The following AGBL4 variants were observed in gnomAD, a reference collection of about 807,000 sequenced individuals.
AGBL4 encodes cytosolic carboxypeptidase 6.
A neutral mutation model predicts 66.4 loss-of-function variants in AGBL4; 58 were observed. The ratio of observed to expected loss-of-function variants is 0.87; its 90% CI spans 0.71 to 1.09. AGBL4 has a LOEUF of 1.09. AGBL4 is among the 50% of genes least tolerant of loss of function. The pLI is 0.00. For missense variants in AGBL4, 579 were observed against 631.0 expected (o/e 0.92, Z 0.88); for synonymous variants, 234 against 222.9 (o/e 1.05, Z -0.44).
At chr1:49,737,040 A>G (rs909694322) in intron 2 of AGBL4, among the ~76,000 whole-genome samples, 6 of 152,154 alleles carry the variant, frequency 3.9e-5, no homozygotes, top group Non-Finnish European at 8.8e-5. Context: ...ACATGATGGC[A>G]AAGCAAAGCT....
chr1:48,685,027 G>A (rs191420325), intron 6 of AGBL4, among the ~76,000 whole-genome samples: 1 of 152,188 alleles, frequency 6.6e-6, no homozygotes, highest in African/African-American at 2.4e-5. Context: ...TAAAGGACTG[G>A]AGCAGACACT....
rs536208537 is a variant in AGBL4 at position 49,429,059 on chromosome 1, C to A, written c.283-183195G>T. ...TAAATTACAAATTATATGTTCCAGA[C>A]TGGAAGAACTTAGAATTCATTCCAG... On this transcript the variant is annotated intron_variant, in intron 3 of 13. Coordinates refer to ENST00000371839, the MANE Select transcript of AGBL4 (RefSeq NM_032785.4). 3.9e-5 allele frequency among the ~76,000 whole-genome samples: 6 copies of A among 152,348 alleles called. No homozygotes were observed. In the East Asian group the frequency reaches 1.2e-3, roughly 29 times the overall value.
chr1:49,869,471 A>C (rs1441232250), intron 1 of AGBL4, among the ~76,000 whole-genome samples: 1 of 152,188 alleles, frequency 6.6e-6, no homozygotes, highest in Non-Finnish European at 1.5e-5. Flanking sequence ...GGAAGCCATT[A>C]TCCTCAGCAA....
intron 3 of AGBL4, among the ~76,000 whole-genome samples, chr1:49,594,427 T>C (rs1353504731): frequency 2.6e-5 from 4 of 152,168 alleles, no homozygotes; most frequent in African/African-American, 9.7e-5. Flanking sequence ...ACATGTGCCA[T>C]GGGTGGTTTG....
At chr1:48,640,311 AG>A (rs1645733977) in intron 8 of AGBL4, among the ~76,000 whole-genome samples, 1 of 152,184 alleles carries the variant, frequency 6.6e-6, no homozygotes, top group Non-Finnish European at 1.5e-5. Context: ...GAACTCCATG[AG>A]GGCAGGGATA....
rs891183779 is a variant in AGBL4, at chr1:49,177,605, G to A, written c.377+68165C>T. On this transcript the variant is annotated intron_variant, in intron 4 of 13. Coordinates refer to ENST00000371839, the MANE Select transcript of AGBL4 (RefSeq NM_032785.4). Reference sequence around the variant, plus strand: ...CTTTTGACTCCCTTCAGTGCCCAGCGTGAAGCTCTGCACTCAGTGGAATTG... The same window carrying A: ...CTTTTGACTCCCTTCAGTGCCCAGCATGAAGCTCTGCACTCAGTGGAATTG... Among the ~76,000 whole-genome samples, 5 of 152,074 alleles carry A rather than the reference G, an allele frequency of 3.3e-5. No homozygotes were observed. In the East Asian group the frequency reaches 7.8e-4, roughly 24 times the overall value.
intron 4 of AGBL4, among the ~76,000 whole-genome samples, chr1:49,204,906 T>C (rs1648010197): frequency 6.6e-6 from 1 of 152,122 alleles, no homozygotes; most frequent in South Asian, 2.1e-4. Flanking sequence ...AATGACATCA[T>C]AGATTCAGAG....
At chr1:49,337,884 T>C (rs1002865810) in intron 3 of AGBL4, among the ~76,000 whole-genome samples, 1 of 152,238 alleles carries the variant, frequency 6.6e-6, no homozygotes, top group Non-Finnish European at 1.5e-5. Context: ...TCAACCATTA[T>C]TTAACATTTA....
intron 3 of AGBL4, among the ~76,000 whole-genome samples, chr1:49,596,114 A>T (rs922648841): frequency 3.9e-5 from 6 of 152,174 alleles, no homozygotes; most frequent in Non-Finnish European, 7.3e-5. Context: ...ATCCACAGGC[A>T]ATGTGTCTTG....
intron 6 of AGBL4, among the ~76,000 whole-genome samples, chr1:48,798,188 G>C (rs141669932): frequency 6.6e-6 from 1 of 152,100 alleles, no homozygotes; most frequent in Non-Finnish European, 1.5e-5. Context: ...GAGTAAGGTG[G>C]TATCTCATTG....
chr1:48,769,528 C>T (rs1195985917), intron 6 of AGBL4, among the ~76,000 whole-genome samples: 3 of 116,638 alleles, frequency 2.6e-5, no homozygotes, highest in African/African-American at 4.1e-5. Flanking sequence ...GGATTTAAAA[C>T]ACACACACAC....
At chr1:48,677,795 C>G (rs1220620034) in intron 6 of AGBL4, among the ~76,000 whole-genome samples, 1 of 152,214 alleles carries the variant, frequency 6.6e-6, no homozygotes, top group Non-Finnish European at 1.5e-5. Context: ...GCCAGACACA[C>G]AGGGACCACA....
intron 3 of AGBL4, among the ~76,000 whole-genome samples, chr1:49,602,864 T>A (rs1002687154): frequency 1.1e-4 from 15 of 139,800 alleles, no homozygotes; most frequent in East Asian, 8.3e-4. Context: ...AATAAATAAA[T>A]AAAAATCTAG....
intron 3 of AGBL4, among the ~76,000 whole-genome samples, chr1:49,388,731 T>C (rs943438391): frequency 6.6e-6 from 1 of 152,112 alleles, no homozygotes; most frequent in Non-Finnish European, 1.5e-5. Flanking sequence ...GTCCCCTTAG[T>C]GTAAATTGTA....
Position 48,867,207 on chromosome 1 carries a change from CAGG to C in AGBL4, c.615_617del (p.Leu206del). 6.2e-7 allele frequency: 1 copy of C among 1,613,610 alleles called. No homozygotes were observed. The highest frequency in any genetic ancestry group is 8.5e-7 in the Non-Finnish European group (1 of 1,179,768). ...CCTACTCACCAGGGCTGGTTATCGT[CAGG>C]AGGTCAAGCTTTCGTTGTTGCTGCA... On this transcript the variant is annotated inframe_deletion, in exon 6 of 14. Coordinates refer to ENST00000371839, the MANE Select transcript of AGBL4 (RefSeq NM_032785.4).
chr1:49,591,383 A>G (rs1007134137), intron 3 of AGBL4, among the ~76,000 whole-genome samples: 6 of 152,108 alleles, frequency 3.9e-5, no homozygotes, highest in African/African-American at 1.4e-4. Flanking sequence ...ATTATAAATA[A>G]CTTGTTATCA....
At chr1:49,198,680 G>T (rs1647432391) in intron 4 of AGBL4, among the ~76,000 whole-genome samples, 1 of 152,000 alleles carries the variant, frequency 6.6e-6, no homozygotes, top group African/African-American at 2.4e-5. Flanking sequence ...TTCCAAGTGG[G>T]TGAGGTATGC....
At position 49,220,838 on chromosome 1, in the gene AGBL4, GCCATA is replaced by G. The variant is rs1649438476; in HGVS notation, c.377+24927_377+24931del. On this transcript the variant is annotated intron_variant, in intron 4 of 13. Transcript: ENST00000371839. ...ATCTTTAAATAAAAACATTACCTAT[GCCATA>G]GGTTTGCTGTGCTATGAAGATTAAT... 5.3e-5 allele frequency among the ~76,000 whole-genome samples: 8 copies of G among 152,226 alleles called. No homozygotes were observed. In the South Asian group the frequency reaches 1.7e-3, roughly 32 times the overall value.
At chr1:49,960,753 A>T (rs1657053798) in intron 1 of AGBL4, among the ~76,000 whole-genome samples, 1 of 152,086 alleles carries the variant, frequency 6.6e-6, no homozygotes, top group Non-Finnish European at 1.5e-5. Context: ...TCCATTTTAT[A>T]GGTGACAAAT....
Sources: allele counts gnomAD v4.1 joint callset (sites outside exome capture counted in the v4.1 genomes callset), GRCh38; gene constraint gnomAD v4.1.1; transcripts MANE v1.5; gene names NCBI Gene and HGNC (gene_info 2026-07-23, HGNC 2026-07-21).